The following NTM variants were observed in gnomAD, a reference collection of about 807,000 sequenced individuals.
The protein encoded by NTM is IgLON family member 2.
Under a neutral mutation model 42.1 loss-of-function variants are expected in NTM, and 13 were observed. The ratio of observed to expected loss-of-function variants is 0.31; its 90% CI spans 0.20 to 0.49. NTM has a LOEUF of 0.49. NTM is among the 20% of genes least tolerant of loss of function. The pLI is 0.99. For missense variants in NTM, 373 were observed against 452.8 expected (o/e 0.82, Z 1.60); for synonymous variants, 187 against 179.2 (o/e 1.04, Z -0.35).
chr11:132,229,065 G>A lies in NTM; in HGVS notation c.526+16918G>A, dbSNP rs139002090. 1.8e-3 allele frequency among the ~76,000 whole-genome samples: 272 copies of A among 152,228 alleles called. 1 individual carries two copies. The highest frequency in any genetic ancestry group is 6.3e-3 in the African/African-American group (261 of 41,528). On this transcript the variant is annotated intron_variant, in intron 4 of 8. Coordinates refer to ENST00000683400, the MANE Select transcript of NTM (RefSeq NM_001352005.2). Reference sequence around the variant, plus strand: ...GTGAGATTCTAACTACTTGAGAAACGAATAACTGAAAGAGGGATCATCATC... The same window carrying A: ...GTGAGATTCTAACTACTTGAGAAACAAATAACTGAAAGAGGGATCATCATC...
intron 1 of NTM, among the ~76,000 whole-genome samples, chr11:131,738,074 T>C (rs11222758): frequency 0.15 from 22,087 of 152,180 alleles, 1,937 homozygotes; most frequent in East Asian, 0.3. Flanking sequence ...GTCCCTGAAG[T>C]TGCCAGGCTC....
intron 1 of NTM, among the ~76,000 whole-genome samples, chr11:131,506,684 G>A (rs2136420367): frequency 6.6e-6 from 1 of 152,338 alleles, no homozygotes; most frequent in East Asian, 1.9e-4. Flanking sequence ...GGGCCTCAGA[G>A]AAGCCACAGG....
At chr11:131,633,127 C>T (rs964469252) in intron 1 of NTM, among the ~76,000 whole-genome samples, 1 of 152,144 alleles carries the variant, frequency 6.6e-6, no homozygotes, top group African/African-American at 2.4e-5. Context: ...GTTTGAAGCA[C>T]ATCTTAATGA....
chr11:131,940,293 C>A (rs1273933725), intron 2 of NTM, among the ~76,000 whole-genome samples: 4 of 152,156 alleles, frequency 2.6e-5, no homozygotes, highest in African/African-American at 9.7e-5. Flanking sequence ...CTAAATAATA[C>A]AATGGAATCA....
At chr11:131,688,605 G>A (rs1308140290) in intron 1 of NTM, among the ~76,000 whole-genome samples, 1 of 152,174 alleles carries the variant, frequency 6.6e-6, no homozygotes, top group Non-Finnish European at 1.5e-5. Context: ...CTTGCCCTGC[G>A]GCAGCGCCTG....
intron 2 of NTM, among the ~76,000 whole-genome samples, chr11:132,058,086 T>G (rs1156315426): frequency 6.6e-6 from 1 of 152,236 alleles, no homozygotes; most frequent in South Asian, 2.1e-4. Context: ...CCCTCTGATT[T>G]GAGTTGTTCT....
chr11:131,469,217 CTG>C (rs767465465), intron 1 of NTM, among the ~76,000 whole-genome samples: 8 of 152,190 alleles, frequency 5.3e-5, no homozygotes, highest in Non-Finnish European at 1.0e-4. Context: ...TGTGTGGGCT[CTG>C]TGAATGCTTC....
At chr11:131,448,079 C>T (rs1950200324) in intron 1 of NTM, among the ~76,000 whole-genome samples, 1 of 152,252 alleles carries the variant, frequency 6.6e-6, no homozygotes, top group African/African-American at 2.4e-5. Flanking sequence ...TCCTGTGCCA[C>T]CTCTCAGCAC....
intron 2 of NTM, among the ~76,000 whole-genome samples, chr11:131,991,798 A>G (rs1377887886): frequency 6.6e-6 from 1 of 152,220 alleles, no homozygotes; most frequent in African/African-American, 2.4e-5. Flanking sequence ...TGCATTCACA[A>G]AGGCAGGCAA....
chr11:131,562,043 G>A (rs1032953954), intron 1 of NTM, among the ~76,000 whole-genome samples: 10 of 152,016 alleles, frequency 6.6e-5, no homozygotes, highest in Non-Finnish European at 1.5e-4. Flanking sequence ...TTATTTTTTA[G>A]GATTTTTTTG....
intron 2 of NTM, among the ~76,000 whole-genome samples, chr11:132,094,835 ATG>A (rs760743648): frequency 6.6e-6 from 1 of 151,098 alleles, no homozygotes. Flanking sequence ...ATCAGTGTGT[ATG>A]TGTGTGTGTG....
At chr11:132,101,710 T>G (rs1381590380) in intron 2 of NTM, among the ~76,000 whole-genome samples, 2 of 152,196 alleles carry the variant, frequency 1.3e-5, no homozygotes, top group African/African-American at 4.8e-5. Flanking sequence ...TCAGTCTGTC[T>G]ATCACTAGGC....
At chr11:131,427,656 G>A (rs1188895361) in intron 1 of NTM, among the ~76,000 whole-genome samples, 2 of 152,156 alleles carry the variant, frequency 1.3e-5, no homozygotes. Context: ...CTTGAAAGTG[G>A]GTCTCTAAGT....
intron 1 of NTM, among the ~76,000 whole-genome samples, chr11:131,406,945 A>G (rs1234724529): frequency 6.6e-6 from 1 of 152,262 alleles, no homozygotes; most frequent in Non-Finnish European, 1.5e-5. Context: ...TTCCTCATAC[A>G]AACATTGGTT....
chr11:132,134,896 C>T (rs868215149), intron 2 of NTM, among the ~76,000 whole-genome samples: 1 of 151,618 alleles, frequency 6.6e-6, no homozygotes, highest in South Asian at 2.1e-4. Flanking sequence ...TCTTTTCCTC[C>T]TGGTAGATAC....
chr11:132,113,300 C>T (rs1415771504), intron 2 of NTM, among the ~76,000 whole-genome samples: 1 of 152,166 alleles, frequency 6.6e-6, no homozygotes, highest in Non-Finnish European at 1.5e-5. Context: ...ATCATATCCA[C>T]GGTTGTAATG....
chr11:131,623,758 C>A (rs1373105984), intron 1 of NTM, among the ~76,000 whole-genome samples: 1 of 152,212 alleles, frequency 6.6e-6, no homozygotes, highest in African/African-American at 2.4e-5. Context: ...AAGCACACAG[C>A]CCAATTTAAG....
intron 4 of NTM, among the ~76,000 whole-genome samples, chr11:132,304,783 T>A (rs1419286241): frequency 1.3e-5 from 2 of 152,206 alleles, no homozygotes; most frequent in African/African-American, 4.8e-5. Flanking sequence ...CTTACCCAAC[T>A]TAATCAAAAA....
chr11:131,410,740 T>C (rs185203899), intron 1 of NTM, among the ~76,000 whole-genome samples: 161 of 152,250 alleles, frequency 1.1e-3, no homozygotes, highest in African/African-American at 3.6e-3. Flanking sequence ...TAGGATTGTA[T>C]TTCTAAAAAT....
Sources: gnomAD v4.1 joint callset for allele counts (sites outside exome capture counted in the v4.1 genomes callset) on GRCh38, gnomAD v4.1.1 for gene constraint, MANE v1.5 for transcripts, NCBI Gene and HGNC (gene_info 2026-07-23, HGNC 2026-07-21) for gene names.